Variants in FAM13B observed in about 807,000 individuals in gnomAD.
FAM13B encodes the protein family with sequence similarity 13 member B, also known as protein FAM13B.
FAM13B carries 60 observed loss-of-function variants against 117.3 expected under a neutral mutation model. The ratio of observed to expected loss-of-function variants is 0.51; its 90% confidence interval spans 0.42 to 0.63. The LOEUF is 0.63. FAM13B is among the 30% of genes least tolerant of loss of function. The pLI is 0.00. For synonymous variants in FAM13B, 332 were observed against 356.1 expected (o/e 0.93, Z 0.76); for missense variants, 972 against 1,091.9 (o/e 0.89, Z 1.55).
chr5:138,050,676 A>G (rs1006917526), intron 1 of FAM13B, among the ~76,000 whole-genome samples: 15 of 152,242 alleles, frequency 9.9e-5, no homozygotes, highest in African/African-American at 3.6e-4. Flanking sequence ...AACCTCTCCC[A>G]TACTGTCTAC....
chr5:138,011,238 T>C (rs1783925832), intron 5 of FAM13B, 89 bp from the exon 6 acceptor site: 2 of 1,221,366 alleles, frequency 1.6e-6, no homozygotes, highest in Non-Finnish European at 2.3e-6. Flanking sequence ...TTTATGAACA[T>C]GGGCAATTTA....
chr5:138,024,579 TAAAAAAAAAAA>T (rs56110483), intron 1 of FAM13B, among the ~76,000 whole-genome samples: 1 of 140,178 alleles, frequency 7.1e-6, no homozygotes, highest in Non-Finnish European at 1.5e-5. Flanking sequence ...TATTACATTC[TAAAAAAAAAAA>T]AGAAAAAAAA....
At chr5:137,967,950 G>A (rs962227084) in intron 10 of FAM13B, among the ~76,000 whole-genome samples, 10 of 151,802 alleles carry the variant, frequency 6.6e-5, no homozygotes, top group African/African-American at 9.7e-5. Context: ...TAGGCCAGGC[G>A]CGGTGGCTCA....
At position 137,949,162 on chromosome 5, in the gene FAM13B, A is replaced by G. The variant is rs144599611; in HGVS notation, c.1953T>C (p.Asp651=). 1 of 1,613,402 alleles carries G rather than the reference A, an allele frequency of 6.2e-7. No homozygotes were observed. Among genetic ancestry groups the G allele is most frequent in the African/African-American group, 1.3e-5 (1 of 75,022 alleles). ...QIKDAKHKNS[D]GEFVPQTRPR... ...GACGTGTCTGAGGTACAAATTCTCCATCAGAATTTTTGTGTTTTGCATCTA... is the reference window on the plus strand; with the variant it reads ...GACGTGTCTGAGGTACAAATTCTCCGTCAGAATTTTTGTGTTTTGCATCTA... The change falls in exon 18 of 24, where the codon GAT becomes GAC. Residue 651 remains aspartate (D), a synonymous_variant. Coordinates refer to ENST00000689681, the MANE Select transcript of FAM13B (RefSeq NM_001385994.1).
chr5:138,018,876 A>T, intron 3 of FAM13B, 79 bp downstream of exon 3: 1 of 1,228,080 alleles, frequency 8.1e-7, no homozygotes, highest in East Asian at 2.4e-5. Flanking sequence ...AAAAAAAAAA[A>T]TTAAAAATCC....
intron 10 of FAM13B, among the ~76,000 whole-genome samples, chr5:137,985,005 A>G (rs755963472): frequency 2.0e-5 from 3 of 151,926 alleles, no homozygotes; most frequent in Non-Finnish European, 4.4e-5. Flanking sequence ...TCCTGACCTC[A>G]TGATCTGCCC....
intron 17 of FAM13B, among the ~76,000 whole-genome samples, chr5:137,952,235 C>T (rs1262067093): frequency 1.3e-5 from 2 of 152,114 alleles, no homozygotes; most frequent in Non-Finnish European, 2.9e-5. Flanking sequence ...TGTGATTAGA[C>T]ATTCTTAGTC....
intron 1 of FAM13B, among the ~76,000 whole-genome samples, chr5:138,041,164 A>G (rs993608363): frequency 6.6e-6 from 1 of 152,184 alleles, no homozygotes; most frequent in Non-Finnish European, 1.5e-5. Flanking sequence ...AAGCCAAATG[A>G]TACTGCAGCG....
chr5:137,944,808 T>A (rs924597970), intron 20 of FAM13B, among the ~76,000 whole-genome samples: 6 of 149,930 alleles, frequency 4.0e-5, no homozygotes, highest in African/African-American at 1.2e-4. Flanking sequence ...ATAACACGGA[T>A]GTAGGTGGAG....
chr5:137,952,352 TTATTAATA>T (rs1765267590), intron 17 of FAM13B, among the ~76,000 whole-genome samples: 2 of 152,180 alleles, frequency 1.3e-5, no homozygotes, highest in South Asian at 2.1e-4. Context: ...ATCAGTTCAC[TTATTAATA>T]TACAATCTCA....
intron 10 of FAM13B, among the ~76,000 whole-genome samples, chr5:137,983,176 T>TAAAAAAAAAAAAAAAAAAA (rs56880991): frequency 2.7e-5 from 2 of 75,118 alleles, no homozygotes; most frequent in Non-Finnish European, 4.9e-5. Context: ...CCAGTGTAGG[T>TAAAAAAAAAAAAAAAAAAA]AAAAAAAAAA....
intron 1 of FAM13B, among the ~76,000 whole-genome samples, chr5:138,028,387 A>G (rs892405050): frequency 2.0e-5 from 3 of 152,130 alleles, no homozygotes; most frequent in Non-Finnish European, 4.4e-5. Context: ...AATACACTTC[A>G]TTTTTTCAGG....
chr5:138,016,835 TAACAGAGGGAACATGGA>T (rs1785373139), intron 4 of FAM13B, among the ~76,000 whole-genome samples: 1 of 152,180 alleles, frequency 6.6e-6, no homozygotes, highest in African/African-American at 2.4e-5. Context: ...GCAATTCAGC[TAACAGAGGGAACATGGA>T]AACCTATCAC....
At chr5:137,992,392 G>A (rs1337995365) in intron 7 of FAM13B, among the ~76,000 whole-genome samples, 1 of 150,878 alleles carries the variant, frequency 6.6e-6, no homozygotes. Context: ...TCGGGAGTTA[G>A]AGGCCAGCCT....
chr5:138,002,830 T>C (rs893835109), intron 7 of FAM13B, among the ~76,000 whole-genome samples: 2 of 139,516 alleles, frequency 1.4e-5, no homozygotes, highest in African/African-American at 5.5e-5. Context: ...CACACCCGGC[T>C]AATTTTTTTT....
chr5:138,019,285 T>C (rs1416254388), intron 2 of FAM13B, 139 bp from the exon 3 acceptor site: 10 of 684,890 alleles, frequency 1.5e-5, no homozygotes, highest in Non-Finnish European at 2.4e-5. Context: ...CCATAGTGTG[T>C]TCTACAGATG....
At chr5:138,028,427 T>C (rs1265186256) in intron 1 of FAM13B, among the ~76,000 whole-genome samples, 1 of 152,200 alleles carries the variant, frequency 6.6e-6, no homozygotes, top group East Asian at 1.9e-4. Context: ...TTCTACAACT[T>C]GGTCTAGCCA....
chr5:138,016,221 G>A (rs537008641), intron 4 of FAM13B, among the ~76,000 whole-genome samples: 1 of 152,028 alleles, frequency 6.6e-6, no homozygotes, highest in African/African-American at 2.4e-5. Flanking sequence ...AGAAAAGAAG[G>A]GGTAGGATTG....
chr5:137,954,084 C>A, intron 15 of FAM13B, 82 bp downstream of exon 15: 2 of 760,724 alleles, frequency 2.6e-6, no homozygotes, highest in South Asian at 4.7e-5. Flanking sequence ...ACTATTGAAG[C>A]CCAGGCTGGA....
Sources: allele counts gnomAD v4.1 joint callset (sites outside exome capture counted in the v4.1 genomes callset), GRCh38; gene constraint gnomAD v4.1.1; transcripts MANE v1.5; gene names NCBI Gene and HGNC (gene_info 2026-07-23, HGNC 2026-07-21).